Variants in VPS13B observed in about 807,000 individuals in gnomAD.
The protein encoded by VPS13B is intermembrane lipid transfer protein VPS13B.
VPS13B carries 285 observed loss-of-function variants against 426.4 expected under a neutral mutation model. The ratio of observed to expected loss-of-function variants is 0.67; its 90% confidence interval spans 0.61 to 0.74. The LOEUF (loss-of-function observed/expected upper bound fraction) is 0.74. Ranked by LOEUF, VPS13B falls within the 30% of genes least tolerant of loss-of-function variation. VPS13B has a pLI of 0.00. For synonymous variants in VPS13B, 1,676 were observed against 1,676.4 expected, an observed-to-expected ratio of 1.00 and a Z score of 0.01; for missense variants, 4,537 against 4,782.6, an observed-to-expected ratio of 0.95 and a Z score of 1.51.
At chr8:99,550,412 T>TC (rs1038827814) in intron 30 of VPS13B, among the ~76,000 whole-genome samples, 3 of 151,832 alleles carry the variant, frequency 2.0e-5, no homozygotes, top group Admixed American at 6.6e-5. Flanking sequence ...TTTTTTTTTT[T>TC]CACAGTAAGC....
rs183355221 is a variant in VPS13B at position 99,024,972 on chromosome 8, G to A, written c.147+11037G>A. Among the ~76,000 whole-genome samples the A allele has an allele frequency of 1.1e-3, 167 of 152,012 alleles. 1 individual carries two copies. Among genetic ancestry groups the A allele is most frequent in the Middle Eastern group, 3.4e-3 (1 of 294 alleles). The stretch of plus-strand genomic sequence containing the variant: ...GTCTTCCTCAATTTCTTTCACCAGT[G>A]TCCTGTCATTTTTTTTTGTAGAGAT... On this transcript the variant is annotated intron_variant, in intron 2 of 61. Coordinates refer to ENST00000357162, the MANE Select transcript of VPS13B (RefSeq NM_152564.5).
intron 55 of VPS13B, among the ~76,000 whole-genome samples, chr8:99,849,428 G>C (rs1375213989): frequency 6.6e-6 from 1 of 152,052 alleles, no homozygotes; most frequent in African/African-American, 2.4e-5. Flanking sequence ...AGGGGCAATA[G>C]GCATGAACAG....
chr8:99,675,837 A>G (rs1317599304), intron 35 of VPS13B, among the ~76,000 whole-genome samples: 1 of 151,420 alleles, frequency 6.6e-6, no homozygotes, highest in Admixed American at 6.6e-5. Flanking sequence ...CTGGTCATTT[A>G]TTGTTTTTCT....
chr8:99,571,457 A>T (rs1168287572), intron 31 of VPS13B, among the ~76,000 whole-genome samples: 1 of 152,176 alleles, frequency 6.6e-6, no homozygotes, highest in Non-Finnish European at 1.5e-5. Context: ...TAATAGTTTT[A>T]TAAGACTACT....
intron 19 of VPS13B, among the ~76,000 whole-genome samples, chr8:99,335,771 C>G (rs1184080897): frequency 6.6e-6 from 1 of 152,064 alleles, no homozygotes; most frequent in Non-Finnish European, 1.5e-5. Flanking sequence ...ACAATTGCTT[C>G]AAAGAGAATA....
At chr8:99,712,106 A>G (rs1009496716) in intron 36 of VPS13B, among the ~76,000 whole-genome samples, 1 of 152,200 alleles carries the variant, frequency 6.6e-6, no homozygotes, top group Non-Finnish European at 1.5e-5. Context: ...TTGGTTAAAG[A>G]TATTATTTGT....
At chr8:99,736,323 A>G (rs1376783504) in intron 39 of VPS13B, among the ~76,000 whole-genome samples, 1 of 152,148 alleles carries the variant, frequency 6.6e-6, no homozygotes, top group African/African-American at 2.4e-5. Context: ...CTGTAATCTC[A>G]GCACTTTGGG....
chr8:99,541,647 A>C (rs1444095329), intron 30 of VPS13B, among the ~76,000 whole-genome samples: 2 of 152,216 alleles, frequency 1.3e-5, no homozygotes, highest in Non-Finnish European at 2.9e-5. Context: ...TAAAACATTC[A>C]TGCCGAAAGT....
intron 2 of VPS13B, among the ~76,000 whole-genome samples, chr8:99,035,294 A>G (rs1842692360): frequency 6.6e-6 from 1 of 152,164 alleles, no homozygotes; most frequent in Non-Finnish European, 1.5e-5. Flanking sequence ...TGTAAAACTG[A>G]AACTCTCTAT....
chr8:99,461,384 G>T (rs770413151), intron 23 of VPS13B, among the ~76,000 whole-genome samples: 1 of 152,116 alleles, frequency 6.6e-6, no homozygotes, highest in Non-Finnish European at 1.5e-5. Flanking sequence ...ATGAAATGAA[G>T]TTCAGCTTTG....
chr8:99,315,853 G>C (rs1809621386), intron 19 of VPS13B, among the ~76,000 whole-genome samples: 1 of 152,032 alleles, frequency 6.6e-6, no homozygotes, highest in South Asian at 2.1e-4. Flanking sequence ...TTCTTTGGGA[G>C]GTGTCATATT....
At chr8:99,428,664 C>T (rs907240453) in intron 21 of VPS13B, among the ~76,000 whole-genome samples, 2 of 151,402 alleles carry the variant, frequency 1.3e-5, no homozygotes, top group Non-Finnish European at 3.0e-5. Flanking sequence ...GGAGAAATAA[C>T]ACTTTTACAC....
At chr8:99,594,021 A>G (rs1022124124) in intron 33 of VPS13B, among the ~76,000 whole-genome samples, 1 of 152,004 alleles carries the variant, frequency 6.6e-6, no homozygotes, top group Admixed American at 6.6e-5. Flanking sequence ...ACCATGGCAC[A>G]GATTTACCTA....
intron 44 of VPS13B, among the ~76,000 whole-genome samples, chr8:99,810,317 T>C (rs764787703): frequency 6.6e-6 from 1 of 152,234 alleles, no homozygotes; most frequent in Non-Finnish European, 1.5e-5. Context: ...AGTTTCAACA[T>C]ATACATCTGG....
At chr8:99,296,072 G>A (rs1230802048) in intron 19 of VPS13B, among the ~76,000 whole-genome samples, 1 of 152,100 alleles carries the variant, frequency 6.6e-6, no homozygotes, top group East Asian at 1.9e-4. Context: ...AGTTTCTATT[G>A]ACTGCATATG....
At chr8:99,193,204 A>G in intron 17 of VPS13B, 147 bp downstream of exon 17, 1 of 854,552 alleles carries the variant, frequency 1.2e-6, no homozygotes, top group Non-Finnish European at 1.8e-6. Context: ...TTATGTTTAA[A>G]ATCCAGATTA....
chr8:99,360,170 CTT>C lies in VPS13B; in HGVS notation c.2825-24036_2825-24035del, dbSNP rs1171007606. 7.7e-4 allele frequency among the ~76,000 whole-genome samples: 29 copies of C among 37,424 alleles called. No homozygotes were observed. In the South Asian group the frequency reaches 9.2e-3, roughly 12 times the overall value. The allele number at this position is 37,424 out of a possible 152,430, so 24.6% of individuals were successfully genotyped here. A position where few individuals can be genotyped will look rare whatever the true frequency, so the allele number is the denominator to read the frequency against. On this transcript the variant is annotated intron_variant, in intron 19 of 61. Coordinates refer to ENST00000357162, the MANE Select transcript of VPS13B (RefSeq NM_152564.5). The stretch of plus-strand genomic sequence containing the variant: ...TCTTTCTTTCTTTCTTTCTTTCTTT[CTT>C]TCTTTCTTTCTTTCTTTCTCTCTCT...
At chr8:99,083,013 C>T (rs1250831481) in intron 3 of VPS13B, among the ~76,000 whole-genome samples, 2 of 152,142 alleles carry the variant, frequency 1.3e-5, no homozygotes, top group African/African-American at 4.8e-5. Context: ...TCATCAGTAG[C>T]TTGATGGGAA....
At chr8:99,395,386 T>C (rs1814674271) in intron 21 of VPS13B, among the ~76,000 whole-genome samples, 1 of 152,230 alleles carries the variant, frequency 6.6e-6, no homozygotes, top group African/African-American at 2.4e-5. Flanking sequence ...AGCTACGATC[T>C]TAATGATTCC....
Sources: allele counts gnomAD v4.1 joint callset (sites outside exome capture counted in the v4.1 genomes callset), GRCh38; gene constraint gnomAD v4.1.1; transcripts MANE v1.5; gene names NCBI Gene and HGNC (gene_info 2026-07-23, HGNC 2026-07-21).